GRB10: variants seen among roughly 807,000 people sequenced by gnomAD.
GRB10 encodes the protein growth factor receptor-bound protein 10.
GRB10 carries 20 observed loss-of-function variants against 80.9 expected under a neutral mutation model. The ratio of observed to expected loss-of-function variants is 0.25; its 90% confidence interval spans 0.17 to 0.36. GRB10 has a LOEUF of 0.36. Ranked by LOEUF, GRB10 falls within the 10% of genes least tolerant of loss-of-function variation. GRB10 has a pLI of 1.00. For synonymous variants in GRB10, 291 were observed against 291.5 expected, an observed-to-expected ratio of 1.00 and a Z score of 0.02; for missense variants, 548 against 747.7, an observed-to-expected ratio of 0.73 and a Z score of 3.12.
chr7:50,775,579 ACT>A (rs1248943787), intron 2 of GRB10, among the ~76,000 whole-genome samples: 1 of 151,810 alleles, frequency 6.6e-6, no homozygotes, highest in Non-Finnish European at 1.5e-5. Context: ...CAGCCTCAAG[ACT>A]CTGCTGGACA....
At chr7:50,729,614 G>A (rs972226934) in intron 4 of GRB10, among the ~76,000 whole-genome samples, 8 of 152,032 alleles carry the variant, frequency 5.3e-5, no homozygotes, top group Admixed American at 1.3e-4. Context: ...CCCTGTGTTC[G>A]GCAAAGCTCT....
chr7:50,641,423 C>A lies in GRB10; in HGVS notation c.505-14445G>T, dbSNP rs374001543. Among the ~76,000 whole-genome samples the A allele has an allele frequency of 7.4e-4, 113 of 152,276 alleles. 2 individuals carry two copies. In the South Asian group the frequency reaches 0.023, roughly 30 times the overall value. On this transcript the variant is annotated intron_variant, in intron 7 of 18. Transcript: ENST00000401949. ...TCCCTCTACTGGAGTGTGCTTAGGGCATGCAAGTTTCCCTGAAGGGCATCC... is the reference window on the plus strand; with the variant it reads ...TCCCTCTACTGGAGTGTGCTTAGGGAATGCAAGTTTCCCTGAAGGGCATCC...
chr7:50,777,561 T>C (rs1423284625), intron 2 of GRB10, among the ~76,000 whole-genome samples: 2 of 152,080 alleles, frequency 1.3e-5, no homozygotes, highest in Admixed American at 6.6e-5. Context: ...AATACAGCTT[T>C]TTTTTTTAAG....
intron 2 of GRB10, among the ~76,000 whole-genome samples, chr7:50,763,203 A>G (rs2075956529): frequency 6.6e-6 from 1 of 152,244 alleles, no homozygotes; most frequent in South Asian, 2.1e-4. Context: ...TACTGAAATA[A>G]GAGATAGGAT....
intron 4 of GRB10, among the ~76,000 whole-genome samples, chr7:50,731,694 T>C (rs1399271322): frequency 6.6e-6 from 1 of 152,160 alleles, no homozygotes; most frequent in Non-Finnish European, 1.5e-5. Context: ...TAGCAGCCCA[T>C]GAAGAAGAGC....
intron 4 of GRB10, among the ~76,000 whole-genome samples, chr7:50,709,476 C>T (rs886999781): frequency 3.3e-5 from 5 of 152,164 alleles, no homozygotes; most frequent in South Asian, 2.1e-4. Flanking sequence ...ACAAATGCCC[C>T]CTGGCCTCAC....
chr7:50,678,926 T>C (rs1173689908), intron 5 of GRB10, among the ~76,000 whole-genome samples: 1 of 152,248 alleles, frequency 6.6e-6, no homozygotes, highest in African/African-American at 2.4e-5. Context: ...GCAGTGAATA[T>C]TCAGATTGTC....
intron 3 of GRB10, among the ~76,000 whole-genome samples, chr7:50,748,780 T>C (rs755817350): frequency 6.6e-6 from 1 of 152,170 alleles, no homozygotes; most frequent in Non-Finnish European, 1.5e-5. Flanking sequence ...ATGATATCCA[T>C]CTTGACCACA....
chr7:50,675,358 T>C (rs1392553499), intron 5 of GRB10, among the ~76,000 whole-genome samples: 1 of 152,160 alleles, frequency 6.6e-6, no homozygotes, highest in Non-Finnish European at 1.5e-5. Flanking sequence ...GAAAACGCAC[T>C]GTAGAAAGGG....
At chr7:50,764,199 C>T (rs1266272015) in intron 2 of GRB10, among the ~76,000 whole-genome samples, 1 of 152,246 alleles carries the variant, frequency 6.6e-6, no homozygotes, top group African/African-American at 2.4e-5. Context: ...TCCACCCTGT[C>T]CTGTCCCTGT....
chr7:50,761,898 C>T (rs1354529203), intron 2 of GRB10: 4 of 152,216 alleles, frequency 2.6e-5, no homozygotes, highest in Non-Finnish European at 5.9e-5. Flanking sequence ...CACTTCTCTT[C>T]CTCTTCCTCC....
rs185213003 is a variant in GRB10, at chr7:50,605,879, G to A, written c.1272+458C>T. On this transcript the variant is annotated intron_variant, in intron 14 of 18. Transcript: ENST00000401949. Reference sequence around the variant, plus strand: ...CCTCAGGACTGTATTTTGAGAAGATGAAGTGCTTCTGCTCCTTTGAGAACA... The same window carrying A: ...CCTCAGGACTGTATTTTGAGAAGATAAAGTGCTTCTGCTCCTTTGAGAACA... 8.1e-4 allele frequency among the ~76,000 whole-genome samples: 124 copies of A among 152,320 alleles called. 1 individual carries two copies. The highest frequency in any genetic ancestry group is 2.9e-3 in the African/African-American group (119 of 41,564).
At chr7:50,680,805 T>C (rs1339343755) in intron 5 of GRB10, among the ~76,000 whole-genome samples, 6 of 152,218 alleles carry the variant, frequency 3.9e-5, no homozygotes, top group Non-Finnish European at 8.8e-5. Flanking sequence ...GAATGTTTTT[T>C]TTCTTCTCCT....
intron 7 of GRB10, among the ~76,000 whole-genome samples, chr7:50,630,627 G>C (rs1724737604): frequency 1.3e-5 from 2 of 152,174 alleles, no homozygotes; most frequent in African/African-American, 4.8e-5. Context: ...AGATGCAGCA[G>C]GAACAATTCA....
chr7:50,725,015 C>T (rs1490847038), intron 4 of GRB10, among the ~76,000 whole-genome samples: 2 of 152,224 alleles, frequency 1.3e-5, no homozygotes, highest in African/African-American at 4.8e-5. Flanking sequence ...TGGAAAAACA[C>T]TCCCGGCAAG....
At chr7:50,723,207 T>A (rs1364625067) in intron 4 of GRB10, among the ~76,000 whole-genome samples, 1 of 152,214 alleles carries the variant, frequency 6.6e-6, no homozygotes, top group African/African-American at 2.4e-5. Flanking sequence ...AGCAATGATG[T>A]CCTTGGCAGT....
At chr7:50,729,100 C>T (rs2069177964) in intron 4 of GRB10, among the ~76,000 whole-genome samples, 2 of 152,196 alleles carry the variant, frequency 1.3e-5, no homozygotes, top group African/African-American at 4.8e-5. Context: ...TTGTGGTGTC[C>T]TGGGGCTGGA....
intron 7 of GRB10, among the ~76,000 whole-genome samples, chr7:50,646,656 G>A (rs541704944): frequency 6.6e-6 from 1 of 152,102 alleles, no homozygotes; most frequent in Non-Finnish European, 1.5e-5. Context: ...AAATTGTCAC[G>A]CCCTGACTGA....
chr7:50,595,853 C>G (rs1234480977), intron 17 of GRB10: 1 of 277,248 alleles, frequency 3.6e-6, no homozygotes, highest in Non-Finnish European at 7.0e-6. Context: ...AAGAAGTGCT[C>G]AAAGAATAAT....
Sources: allele counts gnomAD v4.1 joint callset (sites outside exome capture counted in the v4.1 genomes callset), GRCh38; gene constraint gnomAD v4.1.1; transcripts MANE v1.5; gene names NCBI Gene and HGNC (gene_info 2026-07-23, HGNC 2026-07-21).